Variants in VPS54 observed in about 807,000 individuals in gnomAD.
VPS54 encodes vacuolar protein sorting-associated protein 54.
A neutral mutation model predicts 121.5 loss-of-function variants in VPS54; 45 were observed. The observed-to-expected ratio is 0.37, with a 90% CI of 0.29 to 0.47. The LOEUF (loss-of-function observed/expected upper bound fraction) is 0.47, where lower values mean the gene tolerates loss of function less well. VPS54 is among the 20% of genes least tolerant of loss of function. The pLI is 0.99. For synonymous variants in VPS54, 371 were observed against 385.8 expected, an observed-to-expected ratio of 0.96 and a Z score of 0.45; for missense variants, 1,090 against 1,131.4, an observed-to-expected ratio of 0.96 and a Z score of 0.52.
At chr2:63,950,000 T>C (rs928180952) in intron 7 of VPS54, among the ~76,000 whole-genome samples, 2 of 152,178 alleles carry the variant, frequency 1.3e-5, no homozygotes, top group Admixed American at 6.5e-5. Context: ...TTGTCTGGCA[T>C]TGGTTTGAGA....
intron 3 of VPS54, among the ~76,000 whole-genome samples, chr2:63,977,030 T>C (rs1676569030): frequency 6.6e-6 from 1 of 152,070 alleles, no homozygotes; most frequent in African/African-American, 2.4e-5. Context: ...GGTTTCATCA[T>C]GTTGGCCAGG....
At chr2:63,938,936 G>C (rs961684762) in intron 11 of VPS54, among the ~76,000 whole-genome samples, 2 of 151,804 alleles carry the variant, frequency 1.3e-5, no homozygotes, top group African/African-American at 4.8e-5. Context: ...CAAAAAGGAA[G>C]AAAAAATACA....
At chr2:63,936,549 G>C (rs1674463249) in intron 11 of VPS54, among the ~76,000 whole-genome samples, 1 of 152,114 alleles carries the variant, frequency 6.6e-6, no homozygotes, top group South Asian at 2.1e-4. Flanking sequence ...TGAAATGACA[G>C]ACTAGGATTA....
intron 1 of VPS54, among the ~76,000 whole-genome samples, chr2:64,016,375 AG>A (rs1678690744): frequency 6.6e-6 from 1 of 152,194 alleles, no homozygotes; most frequent in Non-Finnish European, 1.5e-5. Context: ...CTGATTTTAA[AG>A]GAAAAGCTTT....
intron 7 of VPS54, among the ~76,000 whole-genome samples, chr2:63,956,861 AAG>A (rs1297443679): frequency 1.3e-5 from 2 of 152,176 alleles, no homozygotes; most frequent in Admixed American, 6.5e-5. Context: ...TATGAAAACT[AAG>A]AGTTTCTACA....
intron 3 of VPS54, among the ~76,000 whole-genome samples, chr2:63,980,700 G>A (rs1010226310): frequency 1.3e-5 from 2 of 151,990 alleles, no homozygotes; most frequent in African/African-American, 4.8e-5. Flanking sequence ...ATGTTTAGAA[G>A]ACTACCTGAC....
intron 20 of VPS54, among the ~76,000 whole-genome samples, chr2:63,910,286 G>A (rs894035254): frequency 2.6e-5 from 4 of 152,118 alleles, no homozygotes; most frequent in African/African-American, 9.7e-5. Context: ...AGTCATCAAT[G>A]GAGAAGATAC....
rs745833234 is a variant in VPS54 at position 63,919,994 on chromosome 2, G to C, written c.2053C>G (p.Leu685Val). The change falls in exon 15 of 23, where the codon CTC becomes GTC. Residue 685 changes from leucine to valine, a missense_variant and splice_region_variant. Transcript: ENST00000272322. ...TTCCAGCGCTCATTGTCTAAGAGGA[G>C]GCTAGTCCACAGTAAGGAGAAAAGA... ...FHEERKTKLS[L>V]LLDNERWKQA... 1 of 1,607,940 alleles carries C rather than the reference G, an allele frequency of 6.2e-7. No individual in the cohort carries two copies. Among genetic ancestry groups the C allele is most frequent in the Non-Finnish European group, 8.5e-7 (1 of 1,176,748 alleles).
intron 17 of VPS54, chr2:63,913,686 G>C (rs1673252968): frequency 3.5e-6 from 1 of 285,970 alleles, no homozygotes; most frequent in African/African-American, 2.3e-5. Context: ...TAACAGATTA[G>C]AGGTTTGAAA....
At chr2:63,985,293 T>C (rs1171441541) in intron 1 of VPS54, among the ~76,000 whole-genome samples, 1 of 152,128 alleles carries the variant, frequency 6.6e-6, no homozygotes, top group Non-Finnish European at 1.5e-5. Context: ...TACTCCAGCC[T>C]GGGCAACATG....
chr2:63,917,716 G>A (rs2104444985), intron 15 of VPS54, among the ~76,000 whole-genome samples: 1 of 151,922 alleles, frequency 6.6e-6, no homozygotes, highest in East Asian at 1.9e-4. Flanking sequence ...TATTTTTTGA[G>A]GTTAAGGACT....
chr2:63,981,254 C>T (rs886971867), intron 3 of VPS54, among the ~76,000 whole-genome samples: 7 of 152,086 alleles, frequency 4.6e-5, no homozygotes, highest in Admixed American at 2.0e-4. Flanking sequence ...GATATTATAA[C>T]TATCTGCTAG....
intron 1 of VPS54, among the ~76,000 whole-genome samples, chr2:64,016,797 C>T (rs957278538): frequency 9.9e-5 from 15 of 151,504 alleles, no homozygotes; most frequent in Non-Finnish European, 1.8e-4. Context: ...TTAGTACAGA[C>T]GGGGTTTCAC....
intron 22 of VPS54, 111 bp downstream of exon 22, chr2:63,897,382 TACA>T (rs1672490417): frequency 2.9e-6 from 2 of 685,446 alleles, no homozygotes; most frequent in Non-Finnish European, 4.8e-6. Flanking sequence ...TTGCTGATTT[TACA>T]ACGTTGGTCT....
chr2:64,012,873 A>G (rs1386200010), intron 1 of VPS54, among the ~76,000 whole-genome samples: 1 of 152,158 alleles, frequency 6.6e-6, no homozygotes, highest in Non-Finnish European at 1.5e-5. Context: ...AAGGTTAGGA[A>G]TGACCTGATT....
intron 20 of VPS54, among the ~76,000 whole-genome samples, chr2:63,907,431 T>C (rs571884913): frequency 1.3e-5 from 2 of 148,576 alleles, no homozygotes; most frequent in East Asian, 2.0e-4. Flanking sequence ...GGCAGAAGAA[T>C]AGCATGAACC....
At chr2:63,912,718 T>G (rs1251677338) in intron 18 of VPS54, 57 bp from the exon 19 acceptor site, 1 of 1,517,584 alleles carries the variant, frequency 6.6e-7, no homozygotes, top group Non-Finnish European at 8.8e-7. Flanking sequence ...AAGGTATTAG[T>G]TGATTTTAAT....
At chr2:63,987,624 A>G (rs1194170141) in intron 1 of VPS54, among the ~76,000 whole-genome samples, 1 of 152,162 alleles carries the variant, frequency 6.6e-6, no homozygotes, top group Non-Finnish European at 1.5e-5. Context: ...GTTAGTATGG[A>G]CATTTTAACA....
At chr2:63,929,115 A>G (rs1157143323) in intron 12 of VPS54, among the ~76,000 whole-genome samples, 2 of 152,198 alleles carry the variant, frequency 1.3e-5, no homozygotes, top group South Asian at 2.1e-4. Flanking sequence ...ACACGACAGA[A>G]AATTAACAAG....
Sources: gnomAD v4.1 joint callset for allele counts (sites outside exome capture counted in the v4.1 genomes callset) on GRCh38, gnomAD v4.1.1 for gene constraint, MANE v1.5 for transcripts, NCBI Gene and HGNC (gene_info 2026-07-23, HGNC 2026-07-21) for gene names.